Variants in PLAT observed in about 807,000 individuals in gnomAD.
PLAT encodes the protein plasminogen activator, tissue type.
A neutral mutation model predicts 74.9 loss-of-function variants in PLAT; 48 were observed. The ratio of observed to expected loss-of-function variants is 0.64; its 90% confidence interval spans 0.51 to 0.82. The LOEUF is 0.82. Among genes scored for constraint, PLAT ranks in the 40% least tolerant of loss-of-function variants. The pLI is 0.00. For synonymous variants in PLAT, 307 were observed against 294.4 expected (o/e 1.04, Z -0.44); for missense variants, 673 against 736.2 (o/e 0.91, Z 0.99).
intron 4 of PLAT, among the ~76,000 whole-genome samples, 183 bp downstream of exon 4, chr8:42,188,751 C>T (rs1180676003): frequency 6.6e-6 from 1 of 152,182 alleles, no homozygotes; most frequent in East Asian, 1.9e-4. Flanking sequence ...TCTGCCTCAA[C>T]CTCCCAAGTA....
chr8:42,177,000 G>C (rs1300606707), intron 13 of PLAT, among the ~76,000 whole-genome samples: 1 of 151,838 alleles, frequency 6.6e-6, no homozygotes, highest in African/African-American at 2.4e-5. Context: ...TTTTGAGACA[G>C]AGTCTCACTC....
chr8:42,178,285 T>TC (rs1384173192), intron 13 of PLAT, among the ~76,000 whole-genome samples: 16 of 150,786 alleles, frequency 1.1e-4, no homozygotes, highest in Middle Eastern at 3.2e-3. Flanking sequence ...TTTTTTTTTT[T>TC]TTGAGATCGA....
Position 42,180,018 on chromosome 8 carries a change from C to T in PLAT, c.1271G>A (p.Ser424Asn). ...SDSSRCAQES[S>N]VVRTVCLPPA... ...GGGAAGGCACACAGTGCGGACCACG[C>T]TGCTCTCCTGGGCACAGCGGGACGA... Residue 424 changes from serine (S) to asparagine (N), a missense_variant, in exon 12 of 14, where the codon AGC becomes AAC. Coordinates refer to ENST00000220809, the MANE Select transcript of PLAT (RefSeq NM_000930.5). 2 of 1,610,296 alleles carry T rather than the reference C, an allele frequency of 1.2e-6. No homozygotes were observed. Among genetic ancestry groups the T allele is most frequent in the Middle Eastern group, 1.7e-4 (1 of 6,048 alleles).
chr8:42,188,855 G>T, intron 4 of PLAT, 79 bp downstream of exon 4: 1 of 1,275,960 alleles, frequency 7.8e-7, no homozygotes, highest in Non-Finnish European at 1.1e-6. Context: ...GAACTCCCGG[G>T]CTCCAGCGAC....
intron 3 of PLAT, among the ~76,000 whole-genome samples, 180 bp downstream of exon 3, chr8:42,191,192 C>T (rs767025193): frequency 5.3e-5 from 8 of 152,164 alleles, no homozygotes; most frequent in African/African-American, 1.2e-4. Flanking sequence ...GCCCAGTGGC[C>T]GCAGCTGATG....
Position 42,180,645 on chromosome 8 carries a change from G to A in PLAT, c.930C>T (p.Arg310=), listed in dbSNP as rs1484327033. The A allele has an allele frequency of 1.2e-6, 2 of 1,603,452 alleles. No homozygotes were observed. The highest frequency in any genetic ancestry group is 1.7e-6 in the Non-Finnish European group (2 of 1,173,920). Residue 310 remains arginine (R), a synonymous_variant, in exon 10 of 14, where the codon CGC becomes CGT. Coordinates refer to ENST00000220809, the MANE Select transcript of PLAT (RefSeq NM_000930.5). Reference sequence around the variant, plus strand: ...TGTCGGCGAAGAGCCCTCCTTTGATGCGAAACTGAGGCTGGCTGTACTGTC... The same window carrying A: ...TGTCGGCGAAGAGCCCTCCTTTGATACGAAACTGAGGCTGGCTGTACTGTC... ...GLRQYSQPQF[R]IKGGLFADIA...
At chr8:42,188,821 G>A (rs1481987819) in intron 4 of PLAT, 113 bp downstream of exon 4, 13 of 830,882 alleles carry the variant, frequency 1.6e-5, no homozygotes, top group Non-Finnish European at 2.3e-5. Flanking sequence ...CAGGGGACTT[G>A]CTATGTTTGC....
chr8:42,188,626 T>A (rs1761350715), intron 4 of PLAT: 1 of 290,614 alleles, frequency 3.4e-6, no homozygotes, highest in Admixed American at 4.7e-5. Context: ...TTTGTTTTTG[T>A]TTGTGTTGTT....
intron 1 of PLAT, among the ~76,000 whole-genome samples, chr8:42,195,401 A>C (rs2129789152): frequency 6.6e-6 from 1 of 152,330 alleles, no homozygotes; most frequent in Admixed American, 6.5e-5. Flanking sequence ...GAGGCTCGCC[A>C]GCGTGGCATC....
Position 42,180,348 on chromosome 8 carries a change from C to T in PLAT, c.1116G>A (p.Leu372=), listed in dbSNP as rs1805182682. The change falls in exon 11 of 14, where the codon TTG becomes TTA. Residue 372 remains leucine (L), a synonymous_variant. Transcript: ENST00000220809. ...RFPPHHLTVI[L]GRTYRVVPGE... ...CAGGGACCACCCGGTATGTTCTGCC[C>T]AAGATCACCGTCAGGTGGTGGGGCG... 4 of 1,614,242 alleles carry T rather than the reference C, an allele frequency of 2.5e-6. No homozygotes were observed. Among genetic ancestry groups the T allele is most frequent in the African/African-American group, 1.3e-5 (1 of 75,062 alleles).
chr8:42,200,105 A>T (rs1806069861), intron 1 of PLAT, among the ~76,000 whole-genome samples: 1 of 152,220 alleles, frequency 6.6e-6, no homozygotes, highest in Non-Finnish European at 1.5e-5. Flanking sequence ...GTACACATGG[A>T]TGAATGCCAC....
At position 42,180,048 on chromosome 8, in the gene PLAT, G is replaced by A. The variant is rs757515141; in HGVS notation, c.1241C>T (p.Ser414Leu). ...DNDIALLQLK[S>L]DSSRCAQESS... Reference sequence around the variant, plus strand: ...CTCCTGGGCACAGCGGGACGAATCCGATTTCAGCTGCAGCAGCGCTGGGAG... The same window carrying A: ...CTCCTGGGCACAGCGGGACGAATCCAATTTCAGCTGCAGCAGCGCTGGGAG... Residue 414 changes from serine (S) to leucine (L), a missense_variant, in exon 12 of 14, where the codon TCG becomes TTG. Transcript: ENST00000220809. 1.9e-6 allele frequency: 3 copies of A among 1,607,512 alleles called. No individual in the cohort carries two copies. The highest frequency in any genetic ancestry group is 3.4e-5 in the Admixed American group (2 of 59,420).
intron 1 of PLAT, among the ~76,000 whole-genome samples, chr8:42,198,047 G>A (rs1202100387): frequency 1.3e-5 from 2 of 152,174 alleles, no homozygotes; most frequent in Non-Finnish European, 2.9e-5. Context: ...ATATAGGAAA[G>A]CGAGGCCACA....
At chr8:42,181,412 A>G (rs895957637) in intron 9 of PLAT, among the ~76,000 whole-genome samples, 2 of 152,178 alleles carry the variant, frequency 1.3e-5, no homozygotes, top group Admixed American at 1.3e-4. Context: ...GGAAGATCTC[A>G]CAGTGGAAGT....
At chr8:42,177,687 G>T (rs1815559737) in intron 13 of PLAT, among the ~76,000 whole-genome samples, 1 of 152,124 alleles carries the variant, frequency 6.6e-6, no homozygotes, top group Non-Finnish European at 1.5e-5. Context: ...AAAATGATTT[G>T]GTTTTGCTTT....
At chr8:42,198,621 G>T (rs1239743717) in intron 1 of PLAT, among the ~76,000 whole-genome samples, 1 of 152,248 alleles carries the variant, frequency 6.6e-6, no homozygotes, top group Non-Finnish European at 1.5e-5. Flanking sequence ...TTGCCAGCAA[G>T]AAGAAGGCAG....
In PLAT at chr8:42,182,762, G is replaced by A. The variant is rs1267592417; in HGVS notation, c.760C>T (p.Pro254Ser). ...LIGKVYTAQN[P>S]SAQALGLGKH... is the part of the protein sequence containing the mutation. ...CCCAGGCCCAGTGCCTGGGCACTGGGGTTCTGTGCTGTGTAAACCTTGCCT... is the reference window on the plus strand; with the variant it reads ...CCCAGGCCCAGTGCCTGGGCACTGGAGTTCTGTGCTGTGTAAACCTTGCCT... The change falls in exon 8 of 14, where the codon CCC (proline) becomes TCC (serine). Residue 254 changes from proline to serine, a missense_variant. By Grantham distance (74) the Pro-to-Ser change is moderately conservative (BLOSUM62 -1). Transcript: ENST00000220809. The A allele has an allele frequency of 6.2e-7, 1 of 1,613,114 alleles. No homozygotes were observed. Among genetic ancestry groups the A allele is most frequent in the Admixed American group, 1.7e-5 (1 of 59,794 alleles).
At chr8:42,199,259 G>A (rs1356284074) in intron 1 of PLAT, among the ~76,000 whole-genome samples, 2 of 152,222 alleles carry the variant, frequency 1.3e-5, no homozygotes, top group East Asian at 1.9e-4. Context: ...GGAGAAGAGA[G>A]GAAGAGTCTG....
intron 5 of PLAT, 92 bp from the exon 6 acceptor site, chr8:42,187,664 G>T (rs1464701959): frequency 4.0e-6 from 5 of 1,260,144 alleles, no homozygotes; most frequent in Non-Finnish European, 5.4e-6. Context: ...CCTCCCCCAG[G>T]CCTGATGCAG....
Sources: gnomAD v4.1 joint callset for allele counts (sites outside exome capture counted in the v4.1 genomes callset) on GRCh38, gnomAD v4.1.1 for gene constraint, MANE v1.5 for transcripts, NCBI Gene and HGNC (gene_info 2026-07-23, HGNC 2026-07-21) for gene names.